S100A16: variants seen among roughly 807,000 people sequenced by gnomAD.
The protein encoded by S100A16 is S100 calcium binding protein A16.
In S100A16, 8 loss-of-function variants were observed where a neutral mutation model predicts 9.0. The observed-to-expected ratio is 0.89, with a 90% CI of 0.52 to 1.60. The LOEUF (loss-of-function observed/expected upper bound fraction) is 1.60. S100A16 is among the 40% of genes most tolerant of loss of function. The pLI is 0.00. For synonymous variants in S100A16, 51 were observed against 51.4 expected (o/e 0.99, Z 0.04); for missense variants, 138 against 132.4 (o/e 1.04, Z -0.21).
At position 153,607,113 on chromosome 1, in the gene S100A16, C is replaced by CTGCTGCTGCTGT. The variant is rs1666706339; in HGVS notation, c.*409_*420dup. On this transcript the variant is annotated 3_prime_UTR_variant, in exon 3 of 3. Coordinates refer to ENST00000368706, the MANE Select transcript of S100A16 (RefSeq NM_080388.3). The stretch of plus-strand genomic sequence containing the variant: ...GAGGTCTCTGCTGCTGCTGCTGCTG[C>CTGCTGCTGCTGT]TGCTGCTGCTGTTGCTGCTACCACT... 2 of 453,492 alleles carry CTGCTGCTGCTGT rather than the reference C, an allele frequency of 4.4e-6. No individual in the cohort carries two copies. Among genetic ancestry groups the CTGCTGCTGCTGT allele is most frequent in the East Asian group, 6.9e-5 (1 of 14,584 alleles). The allele number at this position is 453,492 out of a possible 1,614,324, so 28.1% of individuals were successfully genotyped here. A position where few individuals can be genotyped will look rare whatever the true frequency, so the allele number is the denominator to read the frequency against.
chr1:153,609,122 CA>C, intron 1 of S100A16: 1 of 985,810 alleles, frequency 1.0e-6, no homozygotes. Flanking sequence ...CAACCCCAGG[CA>C]AATCAGACTC....
In S100A16 at chr1:153,607,609, G is replaced by A; in HGVS notation, c.237C>T (p.Tyr79=). The change falls in exon 3 of 3, where the codon TAC becomes TAT. Residue 79 remains tyrosine, a synonymous_variant. Coordinates refer to ENST00000368706, the MANE Select transcript of S100A16 (RefSeq NM_080388.3). The stretch of plus-strand genomic sequence containing the variant: ...CGGTGATGCCGCCTATCAAGGTCCA[G>A]TACTCATCGAAGCTGATGCGCCCAT... ...NHDGRISFDE[Y]WTLIGGITGP... 1 of 1,614,220 alleles carries A rather than the reference G, an allele frequency of 6.2e-7. No individual in the cohort carries two copies.
At chr1:153,612,878 C>T (rs1453349208) in intron 1 of S100A16, 74 bp downstream of exon 1, 1 of 152,460 alleles carries the variant, frequency 6.6e-6, no homozygotes, top group East Asian at 1.9e-4. Flanking sequence ...TTCACTGCCC[C>T]TTCTCCTGGC....
At chr1:153,607,945 T>C in intron 2 of S100A16, 54 bp downstream of exon 2, 1 of 1,575,578 alleles carries the variant, frequency 6.3e-7, no homozygotes, top group East Asian at 2.2e-5. Flanking sequence ...GGCCAGAGGC[T>C]TGCAGGGGAG....
At chr1:153,607,773 G>A in intron 2 of S100A16, 81 bp from the exon 3 acceptor site, 16 of 1,538,860 alleles carry the variant, frequency 1.0e-5, no homozygotes, top group African/African-American at 1.4e-5. Flanking sequence ...AGAGACCCAG[G>A]ATCTGGCCTG....
chr1:153,609,481 T>C (rs1666786782), intron 1 of S100A16: 3 of 450,558 alleles, frequency 6.7e-6, no homozygotes, highest in Non-Finnish European at 8.8e-6. Flanking sequence ...GTGTCTGTCA[T>C]CACCACTCAG....
chr1:153,607,647 C>T lies in S100A16; in HGVS notation c.199G>A (p.Asp67Asn), dbSNP rs776139433. The part of the protein sequence containing the change: ...KAADKLIQNL[D>N]ANHDGRISFD... The stretch of plus-strand genomic sequence containing the variant: ...CTGATGCGCCCATCATGATTGGCAT[C>T]CAGGTTCTGGATGAGCTTATCCGCA... The change falls in exon 3 of 3, where the codon GAT becomes AAT. Residue 67 changes from aspartate to asparagine, a missense_variant. Transcript: ENST00000368706. 25 of 1,614,196 alleles carry T rather than the reference C, an allele frequency of 1.5e-5. No homozygotes were observed. The East Asian group carries it at 5.6e-4, about 36-fold the overall frequency.
chr1:153,607,954 A>T, intron 2 of S100A16, 45 bp downstream of exon 2: 1 of 1,586,062 alleles, frequency 6.3e-7, no homozygotes, highest in Non-Finnish European at 8.6e-7. Context: ...CTTGCAGGGG[A>T]GGGAAGGGGA....
intron 1 of S100A16, chr1:153,609,129 G>T: frequency 1.0e-6 from 1 of 985,510 alleles, no homozygotes; most frequent in Non-Finnish European, 1.2e-6. Context: ...AGGCAAATCA[G>T]ACTCCCTTCC....
rs1666715150 is a variant in S100A16, at chr1:153,607,372, G to T, written c.*162C>A. 2.5e-6 allele frequency: 2 copies of T among 813,302 alleles called. No individual in the cohort carries two copies. Among genetic ancestry groups the T allele is most frequent in the African/African-American group, 1.7e-5 (1 of 58,154 alleles). The allele number at this position is 813,302 out of a possible 1,614,324, so 50.4% of individuals were successfully genotyped here. On this transcript the variant is annotated 3_prime_UTR_variant, in exon 3 of 3. Coordinates refer to ENST00000368706, the MANE Select transcript of S100A16 (RefSeq NM_080388.3). The stretch of plus-strand genomic sequence containing the variant: ...AGGGAGGGAGGTACCTCTAGACTGA[G>T]ACACTCACAAAGGGACCCCAGTTCA...
At position 153,609,183 on chromosome 1, in the gene S100A16, G is replaced by C. The variant is rs918349044; in HGVS notation, c.-26-1006C>G. The C allele has an allele frequency of 9.1e-6, 9 of 985,164 alleles. No individual in the cohort carries two copies. The Admixed American group carries it at 4.9e-4, about 54-fold the overall frequency. 61.0% of individuals were successfully genotyped at this position (985,164 alleles called of 1,614,324 possible). On this transcript the variant is annotated intron_variant, in intron 1 of 2. Transcript: ENST00000368706. ...TGTGCTCCAGTCACCCTCACCCGGC[G>C]GGTCCTGGTGAAAGGAGATGGACAA...
At chr1:153,608,990 C>CA (rs1666772260) in intron 1 of S100A16, 13 of 985,682 alleles carry the variant, frequency 1.3e-5, no homozygotes, top group Non-Finnish European at 1.4e-5. Context: ...GTCACCCTCT[C>CA]ACCCCAGGAC....
At chr1:153,607,950 G>GGGGAGGGAAGGGGAGA in intron 2 of S100A16, 49 bp downstream of exon 2, 1 of 1,582,454 alleles carries the variant, frequency 6.3e-7, no homozygotes, top group African/African-American at 1.3e-5. Flanking sequence ...GAGGCTTGCA[G>GGGGAGGGAAGGGGAGA]GGGAGGGAAG....
At chr1:153,609,037 A>G in intron 1 of S100A16, 1 of 985,668 alleles carries the variant, frequency 1.0e-6, no homozygotes, top group African/African-American at 1.7e-5. Flanking sequence ...CCTTCTGAAT[A>G]ACAGGATATG....
chr1:153,611,921 A>T (rs868508639), intron 1 of S100A16, among the ~76,000 whole-genome samples: 3,254 of 145,664 alleles, frequency 0.022, 94 homozygotes, highest in African/African-American at 0.078. Flanking sequence ...TCTCTCTCAC[A>T]CACACACACA....
In S100A16 at chr1:153,608,177, C is replaced by A. The variant is rs201596570; in HGVS notation, c.-26G>T. 1.1e-4 allele frequency: 181 copies of A among 1,610,498 alleles called. No homozygotes were observed. In the African/African-American group the frequency reaches 2.0e-3, roughly 18 times the overall value. On this transcript the variant is annotated splice_region_variant and 5_prime_UTR_variant, in exon 2 of 3. Coordinates refer to ENST00000368706, the MANE Select transcript of S100A16 (RefSeq NM_080388.3). ...CTCCCTGCTTCGCCTGCTGGCGGGG[C>A]CTGGACACCAGGAGGAGGGGAGATG...
intron 1 of S100A16, among the ~76,000 whole-genome samples, chr1:153,610,590 G>A (rs11497739): frequency 0.57 from 86,812 of 152,084 alleles, 25,076 homozygotes; most frequent in East Asian, 0.69. Context: ...GACCCAGAGC[G>A]GGAGCTCCAG....
chr1:153,609,179 C>T (rs1281860744), intron 1 of S100A16: 3 of 985,414 alleles, frequency 3.0e-6, no homozygotes, highest in African/African-American at 3.5e-5. Flanking sequence ...CACCCTCACC[C>T]GGCGGGTCCT....
At chr1:153,612,473 C>G (rs1340141709) in intron 1 of S100A16, among the ~76,000 whole-genome samples, 1 of 152,082 alleles carries the variant, frequency 6.6e-6, no homozygotes, top group Non-Finnish European at 1.5e-5. Context: ...CACCTCAGCC[C>G]CCGCCTCCTC....
Sources: gnomAD v4.1 joint callset for allele counts (sites outside exome capture counted in the v4.1 genomes callset) on GRCh38, gnomAD v4.1.1 for gene constraint, MANE v1.5 for transcripts, NCBI Gene and HGNC (gene_info 2026-07-23, HGNC 2026-07-21) for gene names.